PTPRD: variants seen among roughly 807,000 people sequenced by gnomAD.
PTPRD encodes the protein receptor-type tyrosine-protein phosphatase delta.
Under a neutral mutation model 214.5 loss-of-function variants are expected in PTPRD, and 34 were observed. The ratio of observed to expected loss-of-function variants is 0.16; its 90% CI spans 0.12 to 0.21. The LOEUF is 0.21. PTPRD is among the 10% of genes least tolerant of loss of function. The probability of loss-of-function intolerance (pLI) is 1.00; values close to 1 mark genes in which losing one functional copy is unlikely to be tolerated. For missense variants in PTPRD, 2,545 were observed against 2,398.7 expected, an observed-to-expected ratio of 1.06 and a Z score of -1.27; for synonymous variants, 1,128 against 845.7, an observed-to-expected ratio of 1.33 and a Z score of -5.79.
intron 43 of PTPRD, among the ~76,000 whole-genome samples, chr9:8,332,386 C>CAGT (rs1308197323): frequency 5.3e-5 from 8 of 152,174 alleles, no homozygotes; most frequent in African/African-American, 1.9e-4. Context: ...ATAGCATGAA[C>CAGT]CATATGACTG....
chr9:10,202,614 C>T (rs1454110559), intron 3 of PTPRD, among the ~76,000 whole-genome samples: 2 of 145,800 alleles, frequency 1.4e-5, no homozygotes, highest in Non-Finnish European at 3.0e-5. Flanking sequence ...AAAGGGCTGA[C>T]TTGAGGGGTG....
chr9:10,461,260 A>T (rs1287148709), intron 2 of PTPRD, among the ~76,000 whole-genome samples: 1 of 151,682 alleles, frequency 6.6e-6, no homozygotes. Context: ...AGAATGGGGG[A>T]AAAAAGGAAA....
intron 5 of PTPRD, among the ~76,000 whole-genome samples, chr9:9,786,936 G>A (rs2098928946): frequency 1.3e-5 from 2 of 152,004 alleles, no homozygotes; most frequent in Admixed American, 6.6e-5. Flanking sequence ...GGAGTTTTGA[G>A]ACCAGCCTGG....
intron 2 of PTPRD, among the ~76,000 whole-genome samples, chr9:10,412,263 C>A (rs2098443781): frequency 6.6e-6 from 1 of 151,668 alleles, no homozygotes; most frequent in South Asian, 2.1e-4. Context: ...ATAAAAATAA[C>A]AATTAGAAAC....
rs2097180888 is a variant in PTPRD at position 8,492,938 on chromosome 9, G to A, written c.2391C>T (p.Ser797=). ...ISGLQPETSY[S]LTVTAYTTKG... ...TGGTTGTGTAGGCTGTGACGGTGAG[G>A]GAGTAGGAAGTTTCAGGCTGGAGCC... is the stretch of plus-strand genomic sequence containing the variant. The change falls in exon 27 of 46, where the codon TCC becomes TCT. Residue 797 remains serine, a synonymous_variant. Transcript: ENST00000381196. 1.2e-6 allele frequency: 2 copies of A among 1,613,764 alleles called. No individual in the cohort carries two copies. The highest frequency in any genetic ancestry group is 1.7e-6 in the Non-Finnish European group (2 of 1,179,732).
At chr9:9,242,039 G>T (rs559612690) in intron 9 of PTPRD, among the ~76,000 whole-genome samples, 1 of 151,982 alleles carries the variant, frequency 6.6e-6, no homozygotes, top group Admixed American at 6.6e-5. Context: ...GGGCAGGCCT[G>T]GTGGTGACAA....
At chr9:9,950,100 T>C (rs2093295381) in intron 4 of PTPRD, among the ~76,000 whole-genome samples, 2 of 152,152 alleles carry the variant, frequency 1.3e-5, no homozygotes, top group Non-Finnish European at 2.9e-5. Flanking sequence ...ACGTCAGGTT[T>C]CCCTGGCCTT....
intron 11 of PTPRD, among the ~76,000 whole-genome samples, chr9:8,947,984 G>A (rs555033769): frequency 2.0e-5 from 3 of 149,700 alleles, no homozygotes; most frequent in Admixed American, 1.3e-4. Flanking sequence ...AGTAAGTTAT[G>A]TCCAGACCTT....
intron 2 of PTPRD, among the ~76,000 whole-genome samples, chr9:10,351,050 A>G (rs2097173694): frequency 6.6e-6 from 1 of 152,122 alleles, no homozygotes; most frequent in African/African-American, 2.4e-5. Context: ...AAGATACACA[A>G]AAGGAGGTTC....
intron 2 of PTPRD, among the ~76,000 whole-genome samples, chr9:10,369,697 C>T (rs535624535): frequency 6.6e-6 from 1 of 152,122 alleles, no homozygotes; most frequent in South Asian, 2.1e-4. Flanking sequence ...TTTCTATACA[C>T]TGAATATTTC....
intron 2 of PTPRD, among the ~76,000 whole-genome samples, chr9:10,559,743 G>A (rs550070636): frequency 2.0e-5 from 3 of 152,138 alleles, no homozygotes; most frequent in South Asian, 4.2e-4. Flanking sequence ...CAAAAAGTGG[G>A]CGAAGGACAT....
rs114697562 is a variant in PTPRD at position 8,802,078 on chromosome 9, A to G, written c.-103-68132T>C. 6.6e-3 allele frequency among the ~76,000 whole-genome samples: 1,000 copies of G among 152,308 alleles called. 13 individuals are homozygous for G. Among genetic ancestry groups the G allele is most frequent in the African/African-American group, 0.022 (896 of 41,580 alleles). ...CACCACATAACTGGAGTCAGACTGT[A>G]TAATGATTAAATTGCTCTCTTAATA... On this transcript the variant is annotated intron_variant, in intron 11 of 45. Coordinates refer to ENST00000381196, the MANE Select transcript of PTPRD (RefSeq NM_002839.4).
intron 37 of PTPRD, among the ~76,000 whole-genome samples, chr9:8,382,767 G>T (rs1052820540): frequency 4.6e-5 from 7 of 152,168 alleles, no homozygotes; most frequent in Non-Finnish European, 1.0e-4. Context: ...CATACATCAT[G>T]CAGACTCCAA....
intron 18 of PTPRD, 84 bp from the exon 19 acceptor site, chr9:8,523,608 G>C (rs866374673): frequency 6.8e-7 from 1 of 1,473,636 alleles, no homozygotes; most frequent in Admixed American, 1.8e-5. Context: ...GAGTAAAAAG[G>C]CCATATCAAG....
intron 9 of PTPRD, among the ~76,000 whole-genome samples, chr9:9,231,564 A>T (rs1594130920): frequency 6.6e-6 from 1 of 152,112 alleles, no homozygotes; most frequent in East Asian, 1.9e-4. Context: ...AAACTACCTA[A>T]TTTTCCAACA....
At position 9,444,257 on chromosome 9, in the gene PTPRD, GT is replaced by G. The variant is rs1350308062; in HGVS notation, c.-236-46776del. Among the ~76,000 whole-genome samples, 9 of 152,072 alleles carry G rather than the reference GT, an allele frequency of 5.9e-5. No homozygotes were observed. In the East Asian group the frequency reaches 1.7e-3, roughly 29 times the overall value. ...ATATGCTTTACTTTTTTGACTTCTA[GT>G]TTTTTATTTTAAAGAAGACAGAGAC... is the stretch of plus-strand genomic sequence containing the variant. On this transcript the variant is annotated intron_variant, in intron 8 of 45. Transcript: ENST00000381196.
chr9:10,600,467 A>C (rs936009753), intron 2 of PTPRD, among the ~76,000 whole-genome samples: 3 of 151,772 alleles, frequency 2.0e-5, no homozygotes, highest in Non-Finnish European at 4.4e-5. Flanking sequence ...ATGTTAGAGC[A>C]ACATCTCCAG....
At chr9:10,019,265 A>C (rs1055380493) in intron 4 of PTPRD, among the ~76,000 whole-genome samples, 1 of 152,200 alleles carries the variant, frequency 6.6e-6, no homozygotes, top group Non-Finnish European at 1.5e-5. Flanking sequence ...ATCATTAAAA[A>C]GTCAGGAAAA....
At chr9:9,536,409 G>A (rs577240024) in intron 8 of PTPRD, among the ~76,000 whole-genome samples, 43 of 152,036 alleles carry the variant, frequency 2.8e-4, no homozygotes, top group Admixed American at 1.3e-3. Context: ...CATATTAAAG[G>A]ACAGGAATTA....
Sources: gnomAD v4.1 joint callset for allele counts (sites outside exome capture counted in the v4.1 genomes callset) on GRCh38, gnomAD v4.1.1 for gene constraint, MANE v1.5 for transcripts, NCBI Gene and HGNC (gene_info 2026-07-23, HGNC 2026-07-21) for gene names.